Variants in RGS6 observed in about 807,000 individuals in gnomAD.
RGS6 encodes the protein regulator of G-protein signaling 6.
Under a neutral mutation model 78.5 loss-of-function variants are expected in RGS6, and 30 were observed. The ratio of observed to expected loss-of-function variants is 0.38; its 90% CI spans 0.29 to 0.52. The LOEUF is 0.52. Among genes scored for constraint, RGS6 ranks in the 20% least tolerant of loss-of-function variants. The pLI, the probability that RGS6 is intolerant of heterozygous loss-of-function variation, is 0.85. For synonymous variants in RGS6, 206 were observed against 206.0 expected, an observed-to-expected ratio of 1.00 and a Z score of 0.00; for missense variants, 495 against 609.7, an observed-to-expected ratio of 0.81 and a Z score of 1.98.
At chr14:72,113,920 C>A (rs1044124969) in intron 2 of RGS6, among the ~76,000 whole-genome samples, 1 of 152,160 alleles carries the variant, frequency 6.6e-6, no homozygotes. Context: ...ATGCAATCTG[C>A]AAGTCCATGA....
At chr14:72,332,695 G>C (rs1016767860) in intron 2 of RGS6, among the ~76,000 whole-genome samples, 1 of 152,154 alleles carries the variant, frequency 6.6e-6, no homozygotes. Flanking sequence ...ACCTCTCCTT[G>C]TCTCATCTCA....
At chr14:72,275,625 T>A (rs1477544216) in intron 2 of RGS6, among the ~76,000 whole-genome samples, 1 of 152,226 alleles carries the variant, frequency 6.6e-6, no homozygotes, top group Non-Finnish European at 1.5e-5. Flanking sequence ...ACATAATCTA[T>A]AGCATCTATT....
chr14:72,027,639 A>G (rs1596301755), intron 2 of RGS6, among the ~76,000 whole-genome samples: 1 of 152,144 alleles, frequency 6.6e-6, no homozygotes, highest in Non-Finnish European at 1.5e-5. Context: ...TCAGGTACAT[A>G]GTCTGGGAGG....
chr14:72,354,895 T>C (rs1233212120), intron 3 of RGS6, among the ~76,000 whole-genome samples: 1 of 152,138 alleles, frequency 6.6e-6, no homozygotes, highest in Non-Finnish European at 1.5e-5. Flanking sequence ...ATATTATTCA[T>C]GTATAATATA....
chr14:72,229,538 C>T (rs1195035267), intron 2 of RGS6, among the ~76,000 whole-genome samples: 1 of 152,144 alleles, frequency 6.6e-6, no homozygotes, highest in Non-Finnish European at 1.5e-5. Flanking sequence ...AAATATATGG[C>T]AGGTTGGGGT....
chr14:72,229,906 C>G (rs2049116130), intron 2 of RGS6, among the ~76,000 whole-genome samples: 1 of 152,184 alleles, frequency 6.6e-6, no homozygotes, highest in Non-Finnish European at 1.5e-5. Context: ...AGACTCGCTT[C>G]TCCACCATCA....
At chr14:72,471,663 C>A (rs1417628159) in intron 8 of RGS6, among the ~76,000 whole-genome samples, 5 of 152,134 alleles carry the variant, frequency 3.3e-5, no homozygotes, top group Admixed American at 3.3e-4. Context: ...TTGCTGTGAA[C>A]CTCCCCCCAC....
At chr14:71,874,099 T>G in the RGS6 span, among the ~76,000 whole-genome samples, 1 of 152,192 alleles carries the variant, frequency 6.6e-6, no homozygotes. Flanking sequence ...TTATTCTTTT[T>G]GCTTAGGAGT....
intron 2 of RGS6, among the ~76,000 whole-genome samples, chr14:72,095,857 A>G (rs72719820): frequency 0.047 from 7,153 of 152,354 alleles, 243 homozygotes; most frequent in Middle Eastern, 0.071. Context: ...CATTGTCTAC[A>G]TTAATGTATT....
chr14:71,903,777 T>C, the RGS6 span, among the ~76,000 whole-genome samples: 1 of 152,236 alleles, frequency 6.6e-6, no homozygotes, highest in South Asian at 2.1e-4. Flanking sequence ...ATATATCATA[T>C]ACTAAATCTT....
intron 2 of RGS6, among the ~76,000 whole-genome samples, chr14:72,242,606 A>T (rs958770051): frequency 6.6e-6 from 1 of 152,126 alleles, no homozygotes; most frequent in Non-Finnish European, 1.5e-5. Context: ...TGACAGGTAA[A>T]TTACCAGTAA....
At chr14:72,497,182 T>TTG (rs2096656599) in intron 13 of RGS6, among the ~76,000 whole-genome samples, 1 of 152,202 alleles carries the variant, frequency 6.6e-6, no homozygotes, top group Non-Finnish European at 1.5e-5. Flanking sequence ...AGCAAAACTG[T>TTG]AACACATCTT....
At chr14:72,158,600 C>A (rs1357733734) in intron 2 of RGS6, among the ~76,000 whole-genome samples, 1 of 152,102 alleles carries the variant, frequency 6.6e-6, no homozygotes, top group Non-Finnish European at 1.5e-5. Context: ...AAATTATGTT[C>A]GTCACCTCCT....
downstream of RGS6, among the ~76,000 whole-genome samples, chr14:72,571,190 A>C (rs1438150501): frequency 2.6e-5 from 4 of 152,228 alleles, no homozygotes; most frequent in Admixed American, 6.5e-5. Flanking sequence ...ACAGAACGGG[A>C]AACAGAGGCC....
At chr14:72,269,137 C>A (rs1214315385) in intron 2 of RGS6, among the ~76,000 whole-genome samples, 1 of 151,628 alleles carries the variant, frequency 6.6e-6, no homozygotes, top group African/African-American at 2.4e-5. Flanking sequence ...TACCTCCGCC[C>A]CCCCACCACC....
intron 2 of RGS6, among the ~76,000 whole-genome samples, chr14:72,281,404 C>T (rs2061566165): frequency 6.6e-6 from 1 of 152,126 alleles, no homozygotes. Flanking sequence ...CTACCTCGGC[C>T]TCCCAAAGTG....
chr14:72,194,699 TAAA>T (rs146085533), intron 2 of RGS6, among the ~76,000 whole-genome samples: 1 of 151,878 alleles, frequency 6.6e-6, no homozygotes, highest in African/African-American at 2.4e-5. Flanking sequence ...AAAATAAAGG[TAAA>T]AAAACAATAA....
chr14:71,888,076 C>A, the RGS6 span, among the ~76,000 whole-genome samples: 2 of 152,106 alleles, frequency 1.3e-5, no homozygotes, highest in Admixed American at 1.3e-4. Flanking sequence ...TATTTCTCAG[C>A]TGGCCAACAC....
intron 3 of RGS6, among the ~76,000 whole-genome samples, chr14:72,375,858 T>G (rs924087535): frequency 6.6e-6 from 1 of 152,148 alleles, no homozygotes; most frequent in African/African-American, 2.4e-5. Context: ...AACACCCACA[T>G]AAATGAATAA....
Sources: gnomAD v4.1 joint callset for allele counts (sites outside exome capture counted in the v4.1 genomes callset) on GRCh38, gnomAD v4.1.1 for gene constraint, MANE v1.5 for transcripts, NCBI Gene and HGNC (gene_info 2026-07-23, HGNC 2026-07-21) for gene names.